GPC5: variants seen among roughly 807,000 people sequenced by gnomAD.
The protein encoded by GPC5 is glypican-5.
In GPC5, 47 loss-of-function variants were observed where a neutral mutation model predicts 53.9. The observed-to-expected ratio is 0.87, with a 90% CI of 0.69 to 1.11. The LOEUF (loss-of-function observed/expected upper bound fraction) is 1.11. GPC5 is among the 50% of genes most tolerant of loss of function. GPC5 has a pLI of 0.00. For synonymous variants in GPC5, 286 were observed against 263.3 expected, an observed-to-expected ratio of 1.09 and a Z score of -0.84; for missense variants, 748 against 713.1, an observed-to-expected ratio of 1.05 and a Z score of -0.56.
intron 1 of GPC5, among the ~76,000 whole-genome samples, chr13:91,412,295 A>G (rs141457309): frequency 6.6e-6 from 1 of 152,360 alleles, no homozygotes; most frequent in African/African-American, 2.4e-5. Context: ...AGCCCTTGCT[A>G]GTCCATTTGC....
At chr13:91,865,339 AT>A (rs1262286121) in intron 5 of GPC5, among the ~76,000 whole-genome samples, 1 of 152,168 alleles carries the variant, frequency 6.6e-6, no homozygotes, top group Non-Finnish European at 1.5e-5. Context: ...CTTAAAAAAA[AT>A]GTATCTCGTG....
intron 6 of GPC5, among the ~76,000 whole-genome samples, chr13:92,029,790 T>C (rs2040827174): frequency 6.6e-6 from 1 of 152,348 alleles, no homozygotes; most frequent in South Asian, 2.1e-4. Flanking sequence ...TCTTGACTGA[T>C]GTAATCTCAA....
intron 6 of GPC5, among the ~76,000 whole-genome samples, chr13:91,922,692 A>T (rs1279345110): frequency 6.6e-6 from 1 of 152,202 alleles, no homozygotes; most frequent in Non-Finnish European, 1.5e-5. Flanking sequence ...CAAAAATCAA[A>T]GCATTGAAAA....
intron 2 of GPC5, among the ~76,000 whole-genome samples, chr13:91,683,451 C>A (rs957598454): frequency 7.9e-5 from 12 of 152,114 alleles, no homozygotes; most frequent in African/African-American, 2.9e-4. Flanking sequence ...ACAGGATCAT[C>A]CTCTTTTGTT....
At chr13:92,299,056 T>C (rs1349805943) in intron 7 of GPC5, among the ~76,000 whole-genome samples, 11 of 152,196 alleles carry the variant, frequency 7.2e-5, no homozygotes, top group Non-Finnish European at 1.5e-5. Flanking sequence ...GAAAATTTTA[T>C]AAAATTTTGG....
At chr13:92,794,873 T>C (rs936552831) in intron 7 of GPC5, among the ~76,000 whole-genome samples, 5 of 151,838 alleles carry the variant, frequency 3.3e-5, no homozygotes, top group African/African-American at 1.2e-4. Flanking sequence ...CAATGCTCAA[T>C]GAAATAAAAA....
At chr13:91,877,581 T>C (rs2039218012) in intron 5 of GPC5, among the ~76,000 whole-genome samples, 1 of 152,228 alleles carries the variant, frequency 6.6e-6, no homozygotes, top group South Asian at 2.1e-4. Flanking sequence ...ACCCAATAAC[T>C]GTACCTCCAC....
At chr13:92,637,875 A>G (rs1193458803) in intron 7 of GPC5, among the ~76,000 whole-genome samples, 1 of 152,234 alleles carries the variant, frequency 6.6e-6, no homozygotes, top group Non-Finnish European at 1.5e-5. Context: ...GGTAAAGGAA[A>G]GCATCAAATG....
chr13:92,112,076 C>T (rs1380417010), intron 6 of GPC5, among the ~76,000 whole-genome samples: 1 of 152,038 alleles, frequency 6.6e-6, no homozygotes, highest in Non-Finnish European at 1.5e-5. Flanking sequence ...TAAGAGGTTT[C>T]TAAGGAAGAA....
intron 7 of GPC5, among the ~76,000 whole-genome samples, chr13:92,362,349 T>C (rs950012989): frequency 6.6e-6 from 1 of 151,732 alleles, no homozygotes; most frequent in Non-Finnish European, 1.5e-5. Flanking sequence ...TCAAGACAAA[T>C]TTATGGAAAC....
chr13:91,683,593 T>C (rs1199981649), intron 2 of GPC5, among the ~76,000 whole-genome samples: 89 of 152,172 alleles, frequency 5.8e-4, no homozygotes, highest in Non-Finnish European at 1.6e-4. Flanking sequence ...CATGTTCCCT[T>C]AGGAACTCGC....
At chr13:92,540,802 C>T (rs963213314) in intron 7 of GPC5, among the ~76,000 whole-genome samples, 2 of 151,834 alleles carry the variant, frequency 1.3e-5, no homozygotes, top group African/African-American at 4.8e-5. Context: ...AGAACTTTTA[C>T]TTTTGTTGTA....
chr13:91,871,437 C>A (rs1328791781), intron 5 of GPC5, among the ~76,000 whole-genome samples: 2 of 151,850 alleles, frequency 1.3e-5, no homozygotes, highest in Non-Finnish European at 2.9e-5. Flanking sequence ...ATGATATATA[C>A]AACAAATCCC....
At chr13:91,942,322 C>G (rs1167348794) in intron 6 of GPC5, among the ~76,000 whole-genome samples, 1 of 152,032 alleles carries the variant, frequency 6.6e-6, no homozygotes, top group Non-Finnish European at 1.5e-5. Context: ...GCTTTACTTA[C>G]TACATTTCTT....
intron 2 of GPC5, among the ~76,000 whole-genome samples, chr13:91,677,952 ATGT>A (rs1160871586): frequency 6.6e-6 from 1 of 152,188 alleles, no homozygotes; most frequent in African/African-American, 2.4e-5. Flanking sequence ...GCAGAAATGG[ATGT>A]TGTAGTAAAA....
intron 7 of GPC5, among the ~76,000 whole-genome samples, chr13:92,715,526 GAATTAAC>G (rs1294984108): frequency 6.6e-6 from 1 of 152,130 alleles, no homozygotes; most frequent in African/African-American, 2.4e-5. Context: ...ATAAAACAGA[GAATTAAC>G]AATTAACAGG....
intron 5 of GPC5, among the ~76,000 whole-genome samples, chr13:91,825,607 A>G (rs957029975): frequency 2.0e-5 from 3 of 152,142 alleles, no homozygotes; most frequent in African/African-American, 7.2e-5. Context: ...AATGGCCAAA[A>G]GAAAGTAGAA....
intron 2 of GPC5, among the ~76,000 whole-genome samples, chr13:91,565,924 G>A (rs182292837): frequency 6.6e-6 from 1 of 152,206 alleles, no homozygotes; most frequent in East Asian, 1.9e-4. Flanking sequence ...ACTTTTTGGT[G>A]TTCCTTATCT....
intron 6 of GPC5, among the ~76,000 whole-genome samples, chr13:92,022,833 T>C (rs2040770113): frequency 6.6e-6 from 1 of 151,958 alleles, no homozygotes; most frequent in Non-Finnish European, 1.5e-5. Flanking sequence ...GGAAATGAGG[T>C]CTTAAAAATA....
Sources: gnomAD v4.1 joint callset for allele counts (sites outside exome capture counted in the v4.1 genomes callset) on GRCh38, gnomAD v4.1.1 for gene constraint, MANE v1.5 for transcripts, NCBI Gene and HGNC (gene_info 2026-07-23, HGNC 2026-07-21) for gene names.